The following PDE1C variants were observed in gnomAD, a reference collection of about 807,000 sequenced individuals.
The protein encoded by PDE1C is dual specificity calcium/calmodulin-dependent 3',5'-cyclic nucleotide phosphodiesterase 1C.
In PDE1C, 62 loss-of-function variants were observed where a neutral mutation model predicts 93.1. That is an observed-to-expected ratio of 0.67 (90% CI 0.54 to 0.82). The LOEUF (loss-of-function observed/expected upper bound fraction) is 0.82, where lower values mean the gene tolerates loss of function less well. Among genes scored for constraint, PDE1C ranks in the 40% least tolerant of loss-of-function variants. The probability of loss-of-function intolerance (pLI) is 0.00; values close to 1 mark genes in which losing one functional copy is unlikely to be tolerated. For synonymous variants in PDE1C, 325 were observed against 310.1 expected (o/e 1.05, Z -0.50); for missense variants, 742 against 884.6 (o/e 0.84, Z 2.04).
intron 16 of PDE1C, among the ~76,000 whole-genome samples, chr7:31,800,811 T>C (rs922996373): frequency 6.6e-6 from 1 of 151,428 alleles, no homozygotes; most frequent in African/African-American, 2.4e-5. Flanking sequence ...GTATTGAACC[T>C]ATAGATCAAC....
chr7:32,209,967 G>T (rs113050067), intron 1 of PDE1C, among the ~76,000 whole-genome samples: 1 of 152,200 alleles, frequency 6.6e-6, no homozygotes, highest in African/African-American at 2.4e-5. Flanking sequence ...AGGATCCATA[G>T]GGGCAAAGCT....
At chr7:31,889,263 T>A (rs1252403566) in intron 2 of PDE1C, among the ~76,000 whole-genome samples, 1 of 152,230 alleles carries the variant, frequency 6.6e-6, no homozygotes, top group African/African-American at 2.4e-5. Context: ...TCTGGTCCCA[T>A]GTCCCTCTAC....
chr7:31,903,680 A>G (rs1467712731), intron 2 of PDE1C, among the ~76,000 whole-genome samples: 1 of 152,128 alleles, frequency 6.6e-6, no homozygotes, highest in Non-Finnish European at 1.5e-5. Context: ...TCTTTTCCCA[A>G]AGCTTCAAAG....
intron 1 of PDE1C, among the ~76,000 whole-genome samples, chr7:32,245,819 C>T (rs2128872191): frequency 6.6e-6 from 1 of 152,248 alleles, no homozygotes; most frequent in African/African-American, 2.4e-5. Context: ...GTGGAAGGGA[C>T]TAGCAAGCGC....
chr7:31,841,209 G>GTCTGTCTCTCTCTC (rs1791822612), intron 9 of PDE1C, among the ~76,000 whole-genome samples: 2 of 140,176 alleles, frequency 1.4e-5, no homozygotes, highest in Non-Finnish European at 3.0e-5. Flanking sequence ...CCCTCTCTCT[G>GTCTGTCTCTCTCTC]TCTCTCTCTC....
intron 3 of PDE1C, among the ~76,000 whole-genome samples, chr7:32,169,259 TGCAG>T (rs1311780773): frequency 6.6e-6 from 1 of 152,140 alleles, no homozygotes; most frequent in African/African-American, 2.4e-5. Flanking sequence ...TAAGAGACCT[TGCAG>T]GAAGATGCAA....
rs143834449 is a variant in PDE1C, at chr7:31,813,319, C to T, written c.1813+2605G>A. Among the ~76,000 whole-genome samples, 463 of 152,232 alleles carry T rather than the reference C, an allele frequency of 3.0e-3. 2 individuals carry two copies. Among genetic ancestry groups the T allele is most frequent in the African/African-American group, 0.011 (439 of 41,536 alleles). ...TGAGATATGTTTTCTGTAAGACACA[C>T]ACCTTTTCTGTCACTCTAGAAGCAG... On this transcript the variant is annotated intron_variant, in intron 15 of 17. Coordinates refer to ENST00000396191, the MANE Select transcript of PDE1C (RefSeq NM_001191057.4).
chr7:31,773,441 A>AC (rs143869304), intron 17 of PDE1C, among the ~76,000 whole-genome samples: 2,685 of 152,108 alleles, frequency 0.018, 87 homozygotes, highest in African/African-American at 0.062. Flanking sequence ...CAGAAATCCC[A>AC]CCTGATCTAG....
intron 1 of PDE1C, among the ~76,000 whole-genome samples, chr7:32,343,714 A>G (rs1430599109): frequency 6.6e-6 from 1 of 152,224 alleles, no homozygotes; most frequent in East Asian, 1.9e-4. Flanking sequence ...GTAATAAATT[A>G]TCCTTTGTAA....
intron 2 of PDE1C, among the ~76,000 whole-genome samples, chr7:31,966,235 A>C (rs1289113298): frequency 2.6e-5 from 4 of 152,200 alleles, no homozygotes; most frequent in Non-Finnish European, 5.9e-5. Flanking sequence ...AGAGACACAC[A>C]TAGGCTCAAA....
intron 1 of PDE1C, among the ~76,000 whole-genome samples, chr7:32,404,370 T>C (rs1192044382): frequency 6.6e-6 from 1 of 152,234 alleles, no homozygotes; most frequent in Non-Finnish European, 1.5e-5. Context: ...GTTTTGGTTT[T>C]GGTTTTTGAG....
At chr7:31,970,118 T>G (rs1198042904) in intron 2 of PDE1C, among the ~76,000 whole-genome samples, 1 of 152,088 alleles carries the variant, frequency 6.6e-6, no homozygotes, top group Non-Finnish European at 1.5e-5. Context: ...GTTGTGCACA[T>G]GTACCCTAAA....
the PDE1C span, among the ~76,000 whole-genome samples, chr7:31,618,153 T>TCA: frequency 6.6e-6 from 1 of 152,176 alleles, no homozygotes; most frequent in African/African-American, 2.4e-5. Flanking sequence ...TATGACTAAG[T>TCA]CACCCAGATC....
At chr7:32,254,789 TA>T (rs1437747442) in intron 1 of PDE1C, among the ~76,000 whole-genome samples, 1 of 152,064 alleles carries the variant, frequency 6.6e-6, no homozygotes, top group East Asian at 1.9e-4. Context: ...CAAGGAGTTA[TA>T]CTCCACTCCA....
At chr7:32,251,152 C>G (rs1034793291) in intron 1 of PDE1C, among the ~76,000 whole-genome samples, 1 of 152,268 alleles carries the variant, frequency 6.6e-6, no homozygotes, top group Non-Finnish European at 1.5e-5. Context: ...CACACTATCC[C>G]TGTTCCCTGG....
chr7:32,198,188 G>A (rs944133649), intron 2 of PDE1C, among the ~76,000 whole-genome samples: 1 of 152,108 alleles, frequency 6.6e-6, no homozygotes, highest in Non-Finnish European at 1.5e-5. Flanking sequence ...CCTGAAAGAT[G>A]TCTTTATTTT....
intron 1 of PDE1C, among the ~76,000 whole-genome samples, chr7:32,220,278 C>A (rs1205106566): frequency 2.0e-5 from 3 of 152,154 alleles, no homozygotes; most frequent in Admixed American, 1.3e-4. Context: ...ATTTATTAAG[C>A]CCCTTCCTCA....
chr7:32,371,346 T>C (rs895225366), intron 1 of PDE1C, among the ~76,000 whole-genome samples: 2 of 152,228 alleles, frequency 1.3e-5, no homozygotes, highest in Non-Finnish European at 2.9e-5. Context: ...CCAAATTTTC[T>C]TCATAGCACT....
chr7:31,837,844 A>G, intron 10 of PDE1C, 26 bp downstream of exon 10: 2 of 1,553,222 alleles, frequency 1.3e-6, no homozygotes, highest in Non-Finnish European at 1.8e-6. Context: ...TATACAAACA[A>G]AAACACAAGC....
Sources: gnomAD v4.1 joint callset for allele counts (sites outside exome capture counted in the v4.1 genomes callset) on GRCh38, gnomAD v4.1.1 for gene constraint, MANE v1.5 for transcripts, NCBI Gene and HGNC (gene_info 2026-07-23, HGNC 2026-07-21) for gene names.